IQCJ: variants seen among roughly 807,000 people sequenced by gnomAD.
IQCJ encodes the protein IQ domain-containing protein J.
IQCJ carries 9 observed loss-of-function variants against 11.0 expected under a neutral mutation model. That is an observed-to-expected ratio of 0.82 (90% CI 0.49 to 1.43). The LOEUF (loss-of-function observed/expected upper bound fraction) is 1.43, where lower values mean the gene tolerates loss of function less well. Ranked by LOEUF, IQCJ falls within the 40% of genes most tolerant of loss-of-function variation. The probability of loss-of-function intolerance (pLI) is 0.00; values close to 1 mark genes in which losing one functional copy is unlikely to be tolerated. For synonymous variants in IQCJ, 55 were observed against 51.3 expected, an observed-to-expected ratio of 1.07 and a Z score of -0.31; for missense variants, 146 against 133.2, an observed-to-expected ratio of 1.10 and a Z score of -0.47.
intron 1 of IQCJ, among the ~76,000 whole-genome samples, chr3:159,222,781 A>T (rs1393854501): frequency 6.6e-6 from 1 of 152,108 alleles, no homozygotes; most frequent in Non-Finnish European, 1.5e-5. Flanking sequence ...TTCACTATGG[A>T]TATGTAAATC....
chr3:159,167,002 C>G (rs933155273), intron 1 of IQCJ, among the ~76,000 whole-genome samples: 4 of 152,164 alleles, frequency 2.6e-5, no homozygotes, highest in Non-Finnish European at 5.9e-5. Flanking sequence ...GGAGGCAACC[C>G]TGGTATTTCC....
rs146761216 is a variant in IQCJ at position 159,122,278 on chromosome 3, G to A, written c.9+52837G>A. Among the ~76,000 whole-genome samples the A allele has an allele frequency of 3.2e-3, 483 of 152,278 alleles. 9 individuals are homozygous for A. Among genetic ancestry groups the A allele is most frequent in the Non-Finnish European group, 1.1e-3 (72 of 68,034 alleles). ...TGATGGTTAGGATTTCAGCATTTAA[G>A]TTTAGTGGGGGGACAAAAATATTCA... On this transcript the variant is annotated intron_variant, in intron 1 of 3. Coordinates refer to ENST00000397832, the MANE Select transcript of IQCJ (RefSeq NM_001042706.3).
chr3:159,212,500 A>G (rs1725009576), intron 1 of IQCJ, among the ~76,000 whole-genome samples: 1 of 152,224 alleles, frequency 6.6e-6, no homozygotes, highest in Non-Finnish European at 1.5e-5. Context: ...CTAAGAAATT[A>G]CTTCCTCTTG....
At chr3:159,182,963 G>A (rs945544006) in intron 1 of IQCJ, among the ~76,000 whole-genome samples, 1 of 152,084 alleles carries the variant, frequency 6.6e-6, no homozygotes, top group Non-Finnish European at 1.5e-5. Flanking sequence ...TTGGGCATAA[G>A]ACAATATGAG....
chr3:159,247,250 C>T (rs575638601), intron 2 of IQCJ, among the ~76,000 whole-genome samples: 2 of 152,234 alleles, frequency 1.3e-5, no homozygotes, highest in South Asian at 4.2e-4. Flanking sequence ...GCACGTGCCA[C>T]CACGCCCGGC....
rs1025786698 is a variant in IQCJ at position 159,088,625 on chromosome 3, C to T, written c.9+19184C>T. ...CTCCTGTATTGGGTGCATATATATG[C>T]AGGATAGTTAGCTCTTCTTGTTGAA... On this transcript the variant is annotated intron_variant, in intron 1 of 3. Transcript: ENST00000397832. 3.0e-3 allele frequency among the ~76,000 whole-genome samples: 462 copies of T among 152,194 alleles called. 4 individuals are homozygous for T. Among genetic ancestry groups the T allele is most frequent in the African/African-American group, 9.6e-3 (400 of 41,534 alleles).
intron 1 of IQCJ, among the ~76,000 whole-genome samples, chr3:159,085,846 A>C (rs1716717393): frequency 6.7e-6 from 1 of 149,620 alleles, no homozygotes; most frequent in South Asian, 2.1e-4. Flanking sequence ...GGTTGTGAAA[A>C]TTTTCTCCCA....
intron 1 of IQCJ, among the ~76,000 whole-genome samples, chr3:159,078,016 A>G (rs961641426): frequency 1.3e-5 from 2 of 151,860 alleles, no homozygotes; most frequent in South Asian, 4.1e-4. Context: ...CCCAGGGAGC[A>G]CAGACCAAAA....
chr3:159,076,003 G>A (rs924114830), intron 1 of IQCJ, among the ~76,000 whole-genome samples: 1 of 152,074 alleles, frequency 6.6e-6, no homozygotes, highest in Non-Finnish European at 1.5e-5. Context: ...TCCTTGGGCC[G>A]CTCTTCTTAC....
chr3:159,146,013 G>A (rs1205674646), intron 1 of IQCJ, among the ~76,000 whole-genome samples: 1 of 152,176 alleles, frequency 6.6e-6, no homozygotes, highest in African/African-American at 2.4e-5. Context: ...AAAACTAAAG[G>A]ACATACAGGA....
At chr3:159,127,975 T>G (rs1256651958) in intron 1 of IQCJ, among the ~76,000 whole-genome samples, 2 of 152,216 alleles carry the variant, frequency 1.3e-5, no homozygotes, top group Non-Finnish European at 2.9e-5. Context: ...CTTTCATAAG[T>G]TACTGCTGCT....
intron 1 of IQCJ, among the ~76,000 whole-genome samples, chr3:159,230,580 GCTTCATAC>G (rs1222182053): frequency 6.6e-5 from 10 of 152,120 alleles, no homozygotes. Flanking sequence ...AGTGATGCCT[GCTTCATAC>G]AATCTCACAC....
Position 159,263,451 on chromosome 3 carries a change from A to T in IQCJ, c.*720A>T, listed in dbSNP as rs56849303. On this transcript the variant is annotated 3_prime_UTR_variant, in exon 4 of 4. Coordinates refer to ENST00000397832, the MANE Select transcript of IQCJ (RefSeq NM_001042706.3). ...GAATCTGCTGGAAGTCTTTATTTTT[A>T]AAAAACACCAAAAGTGGGAAGAAAT... 1,150 of 984,202 alleles carry T rather than the reference A, an allele frequency of 1.2e-3. 8 individuals carry two copies. The African/African-American group carries it at 0.018, about 15-fold the overall frequency. The allele number at this position is 984,202 out of a possible 1,614,324, so 61.0% of individuals were successfully genotyped here.
intron 1 of IQCJ, among the ~76,000 whole-genome samples, chr3:159,083,678 G>A (rs566692514): frequency 6.6e-5 from 10 of 152,250 alleles, no homozygotes; most frequent in Admixed American, 5.9e-4. Flanking sequence ...AGCAGCTTTA[G>A]TCTTAATAGC....
chr3:159,194,035 A>G (rs1028716107), intron 1 of IQCJ, among the ~76,000 whole-genome samples: 1 of 152,200 alleles, frequency 6.6e-6, no homozygotes, highest in African/African-American at 2.4e-5. Flanking sequence ...CCCTCTGTGT[A>G]TGGTTACTTG....
At chr3:159,245,602 C>G (rs898415758) in intron 1 of IQCJ, among the ~76,000 whole-genome samples, 10 of 151,892 alleles carry the variant, frequency 6.6e-5, no homozygotes, top group Admixed American at 6.6e-5. Context: ...GCTGGGACTA[C>G]AGGCACCTGC....
At chr3:159,111,747 A>G (rs1205518559) in intron 1 of IQCJ, among the ~76,000 whole-genome samples, 1 of 152,238 alleles carries the variant, frequency 6.6e-6, no homozygotes, top group South Asian at 2.1e-4. Context: ...ATTCAGTTTC[A>G]GCAAGAGCAC....
intron 1 of IQCJ, among the ~76,000 whole-genome samples, chr3:159,194,388 A>T (rs1222177554): frequency 3.9e-5 from 6 of 152,136 alleles, no homozygotes; most frequent in Non-Finnish European, 7.4e-5. Flanking sequence ...AGCCATTCTG[A>T]CTTCGCCATT....
chr3:159,148,866 G>C (rs7646725), intron 1 of IQCJ, among the ~76,000 whole-genome samples: 1 of 152,094 alleles, frequency 6.6e-6, no homozygotes, highest in Non-Finnish European at 1.5e-5. Context: ...CAAATGTGCC[G>C]CATCCACTCC....
Sources: allele counts gnomAD v4.1 joint callset (sites outside exome capture counted in the v4.1 genomes callset), GRCh38; gene constraint gnomAD v4.1.1; transcripts MANE v1.5; gene names NCBI Gene and HGNC (gene_info 2026-07-23, HGNC 2026-07-21).